The following SLC1A1 variants were observed in gnomAD, a reference collection of about 807,000 sequenced individuals.
SLC1A1 encodes solute carrier family 1 member 1, also known as excitatory amino acid transporter 3.
SLC1A1 carries 43 observed loss-of-function variants against 53.3 expected under a neutral mutation model. That is an observed-to-expected ratio of 0.81 (90% CI 0.63 to 1.04). SLC1A1 has a LOEUF of 1.04. Among genes scored for constraint, SLC1A1 ranks in the 50% least tolerant of loss-of-function variants. SLC1A1 has a pLI of 0.00. For missense variants in SLC1A1, 748 were observed against 664.9 expected, an observed-to-expected ratio of 1.12 and a Z score of -1.37; for synonymous variants, 307 against 243.2, an observed-to-expected ratio of 1.26 and a Z score of -2.44.
chr9:4,579,308 T>C (rs949599981), intron 10 of SLC1A1, among the ~76,000 whole-genome samples: 6 of 152,252 alleles, frequency 3.9e-5, no homozygotes, highest in Non-Finnish European at 8.8e-5. Context: ...CCAACAGTTG[T>C]TACTTTTACA....
At chr9:4,558,234 T>G (rs977234729) in intron 2 of SLC1A1, among the ~76,000 whole-genome samples, 1 of 152,176 alleles carries the variant, frequency 6.6e-6, no homozygotes, top group Non-Finnish European at 1.5e-5. Context: ...ACCACCCTTA[T>G]CCCCAACAAT....
At chr9:4,506,101 C>T (rs1820800333) in intron 1 of SLC1A1, among the ~76,000 whole-genome samples, 1 of 152,202 alleles carries the variant, frequency 6.6e-6, no homozygotes, top group Admixed American at 6.5e-5. Flanking sequence ...GCTGGGATTA[C>T]AGGCTCCTGC....
chr9:4,539,119 G>A lies in SLC1A1; in HGVS notation c.92-5448G>A, dbSNP rs145786654. Among the ~76,000 whole-genome samples the A allele has an allele frequency of 4.2e-4, 64 of 152,216 alleles. No individual in the cohort carries two copies. In the East Asian group the frequency reaches 0.012, roughly 28 times the overall value. ...GCTTTCATTTAAAAAAACAACAGAT[G>A]ATTTCAATCTCTTTTCTGCAAATAC... On this transcript the variant is annotated intron_variant, in intron 1 of 11. Transcript: ENST00000262352.
chr9:4,564,570 A>T (rs1819304032), intron 4 of SLC1A1, 112 bp downstream of exon 4: 7 of 749,528 alleles, frequency 9.3e-6, no homozygotes, highest in Admixed American at 2.0e-5. Flanking sequence ...TAACTTTTGA[A>T]TTATTGTGCA....
At position 4,585,960 on chromosome 9, in the gene SLC1A1, A is replaced by G. The variant is rs1253010475; in HGVS notation, c.*402A>G. On this transcript the variant is annotated 3_prime_UTR_variant, in exon 12 of 12. Transcript: ENST00000262352. ...TTACAAATTTTTACTCAGGCTTTCT[A>G]TTGGCATGGATTTCCTTTGACCTCT... is the stretch of plus-strand genomic sequence containing the variant. 2.0e-5 allele frequency: 4 copies of G among 200,190 alleles called. No individual in the cohort carries two copies. Among genetic ancestry groups the G allele is most frequent in the South Asian group, 8.5e-5 (1 of 11,784 alleles). The allele number at this position is 200,190 out of a possible 1,614,324, so 12.4% of individuals were successfully genotyped here. A position where few individuals can be genotyped will look rare whatever the true frequency, so the allele number is the denominator to read the frequency against.
intron 1 of SLC1A1, among the ~76,000 whole-genome samples, chr9:4,533,175 C>A (rs1158398806): frequency 1.3e-5 from 2 of 152,116 alleles, no homozygotes; most frequent in Non-Finnish European, 2.9e-5. Context: ...AAATAACCAG[C>A]TAAGATCATA....
intron 5 of SLC1A1, among the ~76,000 whole-genome samples, chr9:4,566,357 T>G (rs547718480): frequency 1.4e-4 from 21 of 152,322 alleles, no homozygotes; most frequent in African/African-American, 4.3e-4. Flanking sequence ...AAATCAGAAA[T>G]CTGTCAAATA....
Position 4,490,678 on chromosome 9 carries a change from C to A in SLC1A1, c.-2C>A, listed in dbSNP as rs1012510099. 6.2e-7 allele frequency: 1 copy of A among 1,612,176 alleles called. No homozygotes were observed. Among genetic ancestry groups the A allele is most frequent in the Non-Finnish European group, 8.5e-7 (1 of 1,178,626 alleles). On this transcript the variant is annotated 5_prime_UTR_variant, in exon 1 of 12. Coordinates refer to ENST00000262352, the MANE Select transcript of SLC1A1 (RefSeq NM_004170.6). ...GCCCAGCGCACAATAGCGGCGACAGCCATGGGGAAACCGGCGAGGAAAGGA... is the reference window on the plus strand; with the variant it reads ...GCCCAGCGCACAATAGCGGCGACAGACATGGGGAAACCGGCGAGGAAAGGA...
intron 5 of SLC1A1, among the ~76,000 whole-genome samples, chr9:4,567,109 G>A (rs1466208968): frequency 2.0e-5 from 3 of 152,178 alleles, no homozygotes; most frequent in African/African-American, 7.2e-5. Context: ...AAATCCCCAT[G>A]TGGAAGCTCC....
chr9:4,505,132 C>T (rs566263171), intron 1 of SLC1A1, among the ~76,000 whole-genome samples: 22 of 147,456 alleles, frequency 1.5e-4, no homozygotes, highest in Middle Eastern at 3.9e-3. Context: ...CTGCAACCTC[C>T]GCCTCCCAGG....
rs1819285598 is a variant in SLC1A1 at position 4,564,408 on chromosome 9, A to G, written c.390A>G (p.Thr130=). 6 of 1,613,778 alleles carry G rather than the reference A, an allele frequency of 3.7e-6. No homozygotes were observed. The highest frequency in any genetic ancestry group is 1.7e-6 in the Non-Finnish European group (2 of 1,179,884). The change falls in exon 4 of 12, where the codon ACA becomes ACG. Residue 130 remains threonine, a synonymous_variant. Transcript: ENST00000262352. ...VTQKVGEIAR[T]GSTPEVSTVD... Reference sequence around the variant, plus strand: ...AGAAAGTGGGTGAAATTGCGAGGACAGGCAGCACCCCTGAAGTCAGTACGG... The same window carrying G: ...AGAAAGTGGGTGAAATTGCGAGGACGGGCAGCACCCCTGAAGTCAGTACGG...
chr9:4,534,527 C>T (rs1007081970), intron 1 of SLC1A1, among the ~76,000 whole-genome samples: 13 of 152,184 alleles, frequency 8.5e-5, no homozygotes, highest in African/African-American at 3.1e-4. Flanking sequence ...AGTTGAATCT[C>T]TGAATAGACC....
In SLC1A1 at chr9:4,537,477, T is replaced by G. The variant is rs1254502077; in HGVS notation, c.92-7090T>G. Among the ~76,000 whole-genome samples the G allele has an allele frequency of 2.0e-5, 2 of 99,214 alleles. 1 individual carries two copies. Among genetic ancestry groups the G allele is most frequent in the Non-Finnish European group, 4.4e-5 (2 of 45,366 alleles). 65.1% of individuals were successfully genotyped at this position (99,214 alleles called of 152,430 possible). A position where few individuals can be genotyped will look rare whatever the true frequency, so the allele number is the denominator to read the frequency against. Reference sequence around the variant, plus strand: ...GGGAGGCTGAGGCAGGAGAATGGCGTGAACCCGGGAAGCGGAGCTTGCAGT... The same window carrying G: ...GGGAGGCTGAGGCAGGAGAATGGCGGGAACCCGGGAAGCGGAGCTTGCAGT... On this transcript the variant is annotated intron_variant, in intron 1 of 11. Transcript: ENST00000262352.
intron 1 of SLC1A1, among the ~76,000 whole-genome samples, chr9:4,493,139 G>C (rs1323659911): frequency 6.6e-6 from 1 of 152,158 alleles, no homozygotes; most frequent in South Asian, 2.1e-4. Flanking sequence ...TCTCCAGAAA[G>C]GAAAGTCACC....
chr9:4,545,194 T>TCTCTCTCTCTCTCTCC (rs1817377616), intron 2 of SLC1A1, among the ~76,000 whole-genome samples: 1 of 145,350 alleles, frequency 6.9e-6, no homozygotes, highest in Non-Finnish European at 1.6e-5. Flanking sequence ...TAGATGTCTC[T>TCTCTCTCTCTCTCTCC]CTCTCTCTCT....
intron 2 of SLC1A1, among the ~76,000 whole-genome samples, chr9:4,548,955 C>T (rs1270680430): frequency 4.6e-5 from 7 of 152,090 alleles, no homozygotes; most frequent in Non-Finnish European, 7.4e-5. Context: ...GCTTGTAAGC[C>T]GTATTTATGT....
At chr9:4,527,968 C>G (rs1029293863) in intron 1 of SLC1A1, among the ~76,000 whole-genome samples, 3 of 152,124 alleles carry the variant, frequency 2.0e-5, no homozygotes, top group African/African-American at 7.2e-5. Flanking sequence ...AGAATACCCA[C>G]CTCTTGTTAC....
At chr9:4,532,087 A>T (rs1483591911) in intron 1 of SLC1A1, among the ~76,000 whole-genome samples, 1 of 152,200 alleles carries the variant, frequency 6.6e-6, no homozygotes, top group Non-Finnish European at 1.5e-5. Flanking sequence ...AAAGGTAGAT[A>T]AAACCACAAA....
chr9:4,573,029 C>T (rs903776301), intron 7 of SLC1A1, among the ~76,000 whole-genome samples: 3 of 152,192 alleles, frequency 2.0e-5, no homozygotes, highest in Admixed American at 1.3e-4. Context: ...TACATGAGAA[C>T]ACAAAGTGCT....
Sources: gnomAD v4.1 joint callset for allele counts (sites outside exome capture counted in the v4.1 genomes callset) on GRCh38, gnomAD v4.1.1 for gene constraint, MANE v1.5 for transcripts, NCBI Gene and HGNC (gene_info 2026-07-23, HGNC 2026-07-21) for gene names.